The following SPOCK3 variants were observed in gnomAD, a reference collection of about 807,000 sequenced individuals.
The protein encoded by SPOCK3 is SPARC (osteonectin), cwcv and kazal like domains proteoglycan 3, also known as testican-3.
Under a neutral mutation model 56.6 loss-of-function variants are expected in SPOCK3, and 30 were observed. That is an observed-to-expected ratio of 0.53 (90% confidence interval 0.40 to 0.72). SPOCK3 has a LOEUF of 0.72. SPOCK3 is among the 30% of genes least tolerant of loss of function. The probability of loss-of-function intolerance (pLI) is 0.00; values close to 1 mark genes in which losing one functional copy is unlikely to be tolerated. For synonymous variants in SPOCK3, 196 were observed against 183.3 expected, an observed-to-expected ratio of 1.07 and a Z score of -0.56; for missense variants, 527 against 530.0, an observed-to-expected ratio of 0.99 and a Z score of 0.06.
intron 3 of SPOCK3, among the ~76,000 whole-genome samples, chr4:167,062,012 A>T (rs1755659599): frequency 6.6e-6 from 1 of 151,778 alleles, no homozygotes. Context: ...GGAGGTGGGG[A>T]AGCCCTAATT....
intron 4 of SPOCK3, among the ~76,000 whole-genome samples, chr4:166,965,770 G>A (rs1216737469): frequency 5.3e-5 from 8 of 151,946 alleles, no homozygotes; most frequent in Non-Finnish European, 1.0e-4. Context: ...CTCAGCAAAT[G>A]GATCTCAACA....
In SPOCK3 at chr4:166,957,762, G is replaced by A. The variant is rs146890423; in HGVS notation, c.350+42587C>T. On this transcript the variant is annotated intron_variant, in intron 4 of 10. Coordinates refer to ENST00000357545, the MANE Select transcript of SPOCK3 (RefSeq NM_001040159.2). Reference sequence around the variant, plus strand: ...GTTTTGGACTTGCATGGGGCCTACAGTCTCTCTTTTTTGGCCAATTTCTCC... The same window carrying A: ...GTTTTGGACTTGCATGGGGCCTACAATCTCTCTTTTTTGGCCAATTTCTCC... Among the ~76,000 whole-genome samples, 217 of 152,262 alleles carry A rather than the reference G, an allele frequency of 1.4e-3. 3 individuals carry two copies. In the Middle Eastern group the frequency reaches 0.031, roughly 21 times the overall value.
chr4:166,966,725 T>C (rs536175946), intron 4 of SPOCK3, among the ~76,000 whole-genome samples: 5 of 152,240 alleles, frequency 3.3e-5, no homozygotes, highest in African/African-American at 9.6e-5. Flanking sequence ...AATTTTAACA[T>C]AGTGGAAAAA....
Position 167,223,225 on chromosome 4 carries a change from TATATA to T in SPOCK3, c.189+10755_189+10759del, listed in dbSNP as rs532146699. On this transcript the variant is annotated intron_variant, in intron 2 of 10. Coordinates refer to ENST00000357545, the MANE Select transcript of SPOCK3 (RefSeq NM_001040159.2). ...GTATATTTTATATGTGAATATATAA[TATATA>T]ATATATTTTATATTCATTTATAAAT... Among the ~76,000 whole-genome samples, 732 of 139,024 alleles carry T rather than the reference TATATA, an allele frequency of 5.3e-3. 7 individuals are homozygous for T. The highest frequency in any genetic ancestry group is 0.016 in the African/African-American group (608 of 37,588). The allele number at this position is 139,024 out of a possible 152,430, so 91.2% of individuals were successfully genotyped here. A position where few individuals can be genotyped will look rare whatever the true frequency, so the allele number is the denominator to read the frequency against.
At chr4:166,984,202 A>AT (rs911266963) in intron 4 of SPOCK3, among the ~76,000 whole-genome samples, 1 of 152,046 alleles carries the variant, frequency 6.6e-6, no homozygotes, top group African/African-American at 2.4e-5. Flanking sequence ...ATTATGCAAT[A>AT]TTTTTTATAT....
chr4:166,826,538 G>A (rs1372037473), intron 6 of SPOCK3, among the ~76,000 whole-genome samples: 2 of 152,022 alleles, frequency 1.3e-5, no homozygotes, highest in Non-Finnish European at 2.9e-5. Flanking sequence ...CACATCATGT[G>A]GTGTGGCTAA....
intron 6 of SPOCK3, among the ~76,000 whole-genome samples, chr4:166,867,149 GAGTGA>G (rs997464891): frequency 6.6e-6 from 1 of 152,026 alleles, no homozygotes. Flanking sequence ...GCAGAATTGA[GAGTGA>G]AGTGATTTAG....
At chr4:167,186,978 CAAAAAAAAAA>C (rs67424272) in intron 2 of SPOCK3, among the ~76,000 whole-genome samples, 1 of 88,410 alleles carries the variant, frequency 1.1e-5, no homozygotes, top group African/African-American at 3.8e-5. Context: ...CTCTGTGCCT[CAAAAAAAAAA>C]AAAAAAAAAG....
intron 2 of SPOCK3, among the ~76,000 whole-genome samples, chr4:167,131,324 A>C (rs1342693780): frequency 6.6e-6 from 1 of 152,210 alleles, no homozygotes; most frequent in Non-Finnish European, 1.5e-5. Context: ...ATGGTGGCTG[A>C]CACCTAGAAT....
intron 6 of SPOCK3, among the ~76,000 whole-genome samples, chr4:166,869,826 C>G (rs930212717): frequency 6.6e-6 from 1 of 152,046 alleles, no homozygotes; most frequent in African/African-American, 2.4e-5. Context: ...CATAGAGATA[C>G]AGCACCTCGG....
chr4:166,836,922 C>T (rs1746678820), intron 6 of SPOCK3, among the ~76,000 whole-genome samples: 1 of 152,106 alleles, frequency 6.6e-6, no homozygotes, highest in Non-Finnish European at 1.5e-5. Flanking sequence ...AGTAATTTTC[C>T]ATTCATTAAC....
At chr4:166,829,468 T>G (rs1200274623) in intron 6 of SPOCK3, among the ~76,000 whole-genome samples, 1 of 152,106 alleles carries the variant, frequency 6.6e-6, no homozygotes, top group Non-Finnish European at 1.5e-5. Context: ...TTTATTTGAT[T>G]TACCACTTTT....
intron 6 of SPOCK3, among the ~76,000 whole-genome samples, chr4:166,847,985 T>C (rs1748278432): frequency 6.6e-6 from 1 of 152,124 alleles, no homozygotes; most frequent in Admixed American, 6.6e-5. Flanking sequence ...AGAAACCATC[T>C]GGCTTGTAAC....
chr4:166,905,440 G>A (rs900511954), intron 5 of SPOCK3, among the ~76,000 whole-genome samples: 3 of 151,948 alleles, frequency 2.0e-5, no homozygotes, highest in African/African-American at 7.2e-5. Context: ...AAAAGATGTA[G>A]ACACTGATAT....
rs1356774043 is a variant in SPOCK3, at chr4:166,761,921, A to AAAAAG, written c.710-7193_710-7192insCTTTT. 2.0e-5 allele frequency among the ~76,000 whole-genome samples: 3 copies of AAAAAG among 150,762 alleles called. 1 individual carries two copies. The highest frequency in any genetic ancestry group is 7.4e-5 in the African/African-American group (3 of 40,812). ...AAAAAAAAAAAAAAAAAAAAAAAAA[A>AAAAAG]AGAGATTTGGGGGCTTGAAAAATTT... On this transcript the variant is annotated intron_variant, in intron 7 of 10. Coordinates refer to ENST00000357545, the MANE Select transcript of SPOCK3 (RefSeq NM_001040159.2).
chr4:167,232,702 T>C (rs1018963549), intron 2 of SPOCK3, among the ~76,000 whole-genome samples: 4 of 152,194 alleles, frequency 2.6e-5, no homozygotes, highest in African/African-American at 9.6e-5. Context: ...AAAATGATGC[T>C]TAAGCTTTGT....
At chr4:166,824,794 T>C (rs918906780) in intron 6 of SPOCK3, among the ~76,000 whole-genome samples, 1 of 152,110 alleles carries the variant, frequency 6.6e-6, no homozygotes, top group Non-Finnish European at 1.5e-5. Context: ...TCACTATACA[T>C]ACTATGAGAG....
chr4:167,053,167 T>C (rs1754399504), intron 3 of SPOCK3, among the ~76,000 whole-genome samples: 1 of 152,068 alleles, frequency 6.6e-6, no homozygotes, highest in South Asian at 2.1e-4. Context: ...ATAAATACAA[T>C]GGATAAGTAT....
intron 4 of SPOCK3, among the ~76,000 whole-genome samples, chr4:166,983,639 C>T (rs1746828562): frequency 6.6e-6 from 1 of 151,890 alleles, no homozygotes; most frequent in African/African-American, 2.4e-5. Context: ...TGAATGCTCT[C>T]AACACAAAGA....
Sources: gnomAD v4.1 joint callset for allele counts (sites outside exome capture counted in the v4.1 genomes callset) on GRCh38, gnomAD v4.1.1 for gene constraint, MANE v1.5 for transcripts, NCBI Gene and HGNC (gene_info 2026-07-23, HGNC 2026-07-21) for gene names.